CDON: variants seen among roughly 807,000 people sequenced by gnomAD.
The protein encoded by CDON is cell adhesion molecule-related/down-regulated by oncogenes.
Under a neutral mutation model 120.9 loss-of-function variants are expected in CDON, and 73 were observed. The ratio of observed to expected loss-of-function variants is 0.60; its 90% CI spans 0.50 to 0.73. The LOEUF (loss-of-function observed/expected upper bound fraction) is 0.73. CDON is among the 30% of genes least tolerant of loss of function. The pLI, the probability that CDON is intolerant of heterozygous loss-of-function variation, is 0.00. For synonymous variants in CDON, 566 were observed against 573.5 expected (o/e 0.99, Z 0.19); for missense variants, 1,470 against 1,587.3 (o/e 0.93, Z 1.26).
At chr11:126,053,404 A>G (rs1025422327) in intron 1 of CDON, among the ~76,000 whole-genome samples, 1 of 152,212 alleles carries the variant, frequency 6.6e-6, no homozygotes, top group African/African-American at 2.4e-5. Flanking sequence ...AATCCTGATA[A>G]TGAGCTGTCG....
chr11:126,025,980 C>T (rs1947783437), intron 1 of CDON, among the ~76,000 whole-genome samples: 1 of 152,178 alleles, frequency 6.6e-6, no homozygotes, highest in Admixed American at 6.5e-5. Context: ...GCACCCAATA[C>T]TCTCTTATGT....
intron 8 of CDON, among the ~76,000 whole-genome samples, chr11:126,008,771 C>A (rs990709483): frequency 3.9e-5 from 6 of 152,216 alleles, no homozygotes; most frequent in African/African-American, 1.4e-4. Flanking sequence ...CACACACGCA[C>A]ATTCATTTAT....
rs373765094 is a variant in CDON at position 125,961,031 on chromosome 11, C to T, written c.3706G>A (p.Glu1236Lys). 2.5e-4 allele frequency: 398 copies of T among 1,613,870 alleles called. No homozygotes were observed. The highest frequency in any genetic ancestry group is 9.5e-4 in the Admixed American group (57 of 59,992). The change falls in exon 20 of 20, where the codon GAG becomes AAG. Residue 1236 changes from glutamate to lysine, a missense_variant. Physicochemically the swap from Glu to Lys is moderately conservative, Grantham distance 56 (BLOSUM62 1). Transcript: ENST00000531738. The stretch of plus-strand genomic sequence containing the variant: ...CACATTGTCTTCTCAGCACAGCCCT[C>T]GGGGACAGGTGGCAAAATAAGAGCA... ...WNALILPPVPEGCAEKTMWSP... is the reference protein window; with the variant it reads ...WNALILPPVPKGCAEKTMWSP...
At position 126,023,612 on chromosome 11, in the gene CDON, G is replaced by A. The variant is rs775828791; in HGVS notation, c.-61-75C>T. 2.5e-5 allele frequency: 18 copies of A among 723,740 alleles called. 1 individual carries two copies. Among genetic ancestry groups the A allele is most frequent in the South Asian group, 4.4e-5 (3 of 68,314 alleles). The allele number at this position is 723,740 out of a possible 1,614,324, so 44.8% of individuals were successfully genotyped here. Reference sequence around the variant, plus strand: ...GAGCAGCTGGAGCTGTGAGCATGACGGCTGCCATCTATTTTGAAAGCTCTG... The same window carrying A: ...GAGCAGCTGGAGCTGTGAGCATGACAGCTGCCATCTATTTTGAAAGCTCTG... On this transcript the variant is annotated intron_variant, in intron 1 of 19. Coordinates refer to ENST00000531738, the MANE Select transcript of CDON (RefSeq NM_001378964.1).
chr11:125,971,147 G>C (rs1304713277), intron 18 of CDON, among the ~76,000 whole-genome samples: 1 of 152,100 alleles, frequency 6.6e-6, no homozygotes, highest in African/African-American at 2.4e-5. Flanking sequence ...ACTTTGGGGG[G>C]CCAAGGCGGG....
At chr11:125,973,120 A>G (rs61549523) in intron 18 of CDON, among the ~76,000 whole-genome samples, 4,366 of 146,174 alleles carry the variant, frequency 0.03, 247 homozygotes, top group African/African-American at 0.11. Flanking sequence ...TCTCCCTACA[A>G]CTATGCTAGT....
At chr11:126,052,128 A>C (rs1948576546) in intron 1 of CDON, among the ~76,000 whole-genome samples, 1 of 151,840 alleles carries the variant, frequency 6.6e-6, no homozygotes, top group Non-Finnish European at 1.5e-5. Flanking sequence ...AACAAAAAAA[A>C]CTTTAGCTCT....
intron 1 of CDON, among the ~76,000 whole-genome samples, chr11:126,033,200 G>T (rs1199169155): frequency 1.3e-5 from 2 of 152,182 alleles, no homozygotes; most frequent in African/African-American, 4.8e-5. Context: ...CATTTACTGA[G>T]ATGGGAGCAG....
intron 7 of CDON, among the ~76,000 whole-genome samples, chr11:126,011,268 T>TGGTA (rs1434236957): frequency 6.6e-6 from 1 of 152,222 alleles, no homozygotes; most frequent in Non-Finnish European, 1.5e-5. Context: ...CTTTTGGTCC[T>TGGTA]GGTATTCTCT....
chr11:126,036,350 T>G (rs1278097520), intron 1 of CDON, among the ~76,000 whole-genome samples: 1 of 152,216 alleles, frequency 6.6e-6, no homozygotes, highest in Non-Finnish European at 1.5e-5. Flanking sequence ...CTTTCTTTAA[T>G]GTACCACAAG....
At chr11:126,060,733 A>G (rs1021491223) in intron 1 of CDON, among the ~76,000 whole-genome samples, 1 of 152,248 alleles carries the variant, frequency 6.6e-6, no homozygotes, top group Non-Finnish European at 1.5e-5. Context: ...GCCCTAGGAC[A>G]TTAGTTCCTA....
chr11:125,994,173 A>G, intron 14 of CDON, 111 bp downstream of exon 14: 1 of 724,294 alleles, frequency 1.4e-6, no homozygotes, highest in Non-Finnish European at 2.5e-6. Flanking sequence ...GCAATAACAC[A>G]TACACCATTC....
rs191298794 is a variant in CDON, at chr11:126,038,549, C to T, written c.-61-15012G>A. Among the ~76,000 whole-genome samples, 31 of 151,646 alleles carry T rather than the reference C, an allele frequency of 2.0e-4. No homozygotes were observed. The East Asian group carries it at 3.9e-3, about 19-fold the overall frequency. On this transcript the variant is annotated intron_variant, in intron 1 of 19. Transcript: ENST00000531738. ...CACCTGTAATCCCAGCTACTCGGGA[C>T]GCTGAGGCAGGAGAATCGCTTGAAC... is the stretch of plus-strand genomic sequence containing the variant.
intron 1 of CDON, among the ~76,000 whole-genome samples, chr11:126,027,979 T>C (rs1322393913): frequency 6.6e-6 from 1 of 151,896 alleles, no homozygotes; most frequent in Non-Finnish European, 1.5e-5. Context: ...CTTTTTTTTT[T>C]TTTTTTTTTA....
intron 1 of CDON, among the ~76,000 whole-genome samples, chr11:126,024,018 T>C (rs1947712806): frequency 6.6e-6 from 1 of 152,196 alleles, no homozygotes; most frequent in South Asian, 2.1e-4. Context: ...ACTACTGGTT[T>C]TTGTCCCTTT....
chr11:126,033,985 G>T (rs1948023508), intron 1 of CDON, among the ~76,000 whole-genome samples: 1 of 152,138 alleles, frequency 6.6e-6, no homozygotes, highest in Admixed American at 6.5e-5. Context: ...TAAAGTTGCA[G>T]GATCTCAGAC....
intron 1 of CDON, among the ~76,000 whole-genome samples, chr11:126,061,271 G>A (rs190875480): frequency 3.9e-4 from 60 of 152,264 alleles, no homozygotes; most frequent in Middle Eastern, 3.4e-3. Flanking sequence ...CAAGTATGAG[G>A]CAGTTCATTC....
At chr11:126,011,835 T>C (rs1188354914) in intron 7 of CDON, among the ~76,000 whole-genome samples, 1 of 152,240 alleles carries the variant, frequency 6.6e-6, no homozygotes, top group African/African-American at 2.4e-5. Context: ...GTCTTTCATA[T>C]TTAGATCTTT....
chr11:126,021,644 T>G, intron 2 of CDON, 124 bp from the exon 3 acceptor site: 1 of 874,850 alleles, frequency 1.1e-6, no homozygotes, highest in Non-Finnish European at 1.7e-6. Context: ...ATTTTATATA[T>G]GTTATGGTTC....
Sources: allele counts gnomAD v4.1 joint callset (sites outside exome capture counted in the v4.1 genomes callset), GRCh38; gene constraint gnomAD v4.1.1; transcripts MANE v1.5; gene names NCBI Gene and HGNC (gene_info 2026-07-23, HGNC 2026-07-21).